The following DNAJC13 variants were observed in gnomAD, a reference collection of about 807,000 sequenced individuals.
DNAJC13 encodes dnaJ homolog subfamily C member 13.
In DNAJC13, 75 loss-of-function variants were observed where a neutral mutation model predicts 290.5. That is an observed-to-expected ratio of 0.26 (90% CI 0.21 to 0.31). DNAJC13 has a LOEUF of 0.31. Among genes scored for constraint, DNAJC13 ranks in the 10% least tolerant of loss-of-function variants. The pLI is 1.00. For missense variants in DNAJC13, 2,260 were observed against 2,674.5 expected (o/e 0.85, Z 3.42); for synonymous variants, 862 against 892.0 (o/e 0.97, Z 0.60).
chr3:132,455,057 C>T (rs1347429087), intron 9 of DNAJC13, among the ~76,000 whole-genome samples: 1 of 152,074 alleles, frequency 6.6e-6, no homozygotes, highest in Non-Finnish European at 1.5e-5. Context: ...AAATTTAGAA[C>T]TTTGACACCA....
intron 2 of DNAJC13, among the ~76,000 whole-genome samples, chr3:132,439,438 TG>T (rs1275546909): frequency 6.6e-6 from 1 of 150,492 alleles, no homozygotes; most frequent in Non-Finnish European, 1.5e-5. Flanking sequence ...GGGTTTTTTT[TG>T]TTTTTTTTTT....
At chr3:132,423,088 C>T (rs146515191) in intron 1 of DNAJC13, among the ~76,000 whole-genome samples, 3 of 152,034 alleles carry the variant, frequency 2.0e-5, no homozygotes, top group South Asian at 4.1e-4. Flanking sequence ...GAGGATCACT[C>T]GAGGCCAGGA....
chr3:132,538,055 T>C, intron 55 of DNAJC13, 121 bp from the exon 56 acceptor site: 1 of 679,690 alleles, frequency 1.5e-6, no homozygotes, highest in East Asian at 2.7e-5. Flanking sequence ...ATTTAGGTAA[T>C]TGAAATAGAT....
At chr3:132,464,085 G>A (rs889232365) in intron 17 of DNAJC13, among the ~76,000 whole-genome samples, 1 of 152,048 alleles carries the variant, frequency 6.6e-6, no homozygotes, top group Non-Finnish European at 1.5e-5. Context: ...TATGGAAAAG[G>A]GTACTTAAAA....
intron 17 of DNAJC13, among the ~76,000 whole-genome samples, chr3:132,465,465 T>C (rs1933947851): frequency 6.6e-6 from 1 of 152,176 alleles, no homozygotes; most frequent in Admixed American, 6.5e-5. Flanking sequence ...AAATATACTT[T>C]TATAGCTTTT....
chr3:132,433,543 TG>T (rs1388796688), intron 1 of DNAJC13, among the ~76,000 whole-genome samples: 6 of 152,200 alleles, frequency 3.9e-5, no homozygotes, highest in African/African-American at 1.4e-4. Context: ...TCAGAATGGC[TG>T]GGGTTATAGG....
rs578056203 is a variant in DNAJC13 at position 132,518,882 on chromosome 3, G to C, written c.5673+2066G>C. Among the ~76,000 whole-genome samples, 11 of 152,202 alleles carry C rather than the reference G, an allele frequency of 7.2e-5. No individual in the cohort carries two copies. In the East Asian group the frequency reaches 1.9e-3, roughly 27 times the overall value. ...TTTCCCCTAGCACCTGACAACCACT[G>C]ATCTATTTCCTTCTGGATAGATTTG... On this transcript the variant is annotated intron_variant, in intron 48 of 55. Transcript: ENST00000260818.
At chr3:132,431,076 T>G (rs2107646261) in intron 1 of DNAJC13, among the ~76,000 whole-genome samples, 1 of 152,348 alleles carries the variant, frequency 6.6e-6, no homozygotes, top group Non-Finnish European at 1.5e-5. Context: ...TTCCAGAAGG[T>G]TTGACAAAAC....
intron 55 of DNAJC13, among the ~76,000 whole-genome samples, chr3:132,536,796 G>C (rs1936604246): frequency 6.6e-6 from 1 of 152,124 alleles, no homozygotes; most frequent in African/African-American, 2.4e-5. Flanking sequence ...GAAAGGCCTG[G>C]CATCCTGATT....
chr3:132,457,173 G>T (rs1392406586), intron 12 of DNAJC13, 96 bp from the exon 13 acceptor site: 4 of 819,308 alleles, frequency 4.9e-6, no homozygotes, highest in Non-Finnish European at 7.5e-6. Context: ...CATTGTTCCA[G>T]TAGTGCAATG....
chr3:132,512,506 G>A (rs1038639888), intron 44 of DNAJC13, among the ~76,000 whole-genome samples: 2 of 152,160 alleles, frequency 1.3e-5, no homozygotes, highest in African/African-American at 4.8e-5. Context: ...TTTGAGGTGG[G>A]TAGGAATGGA....
chr3:132,483,095 C>T (rs897036414), intron 27 of DNAJC13, among the ~76,000 whole-genome samples: 7 of 152,108 alleles, frequency 4.6e-5, no homozygotes, highest in African/African-American at 1.4e-4. Context: ...AACCATTCTG[C>T]TCTAGTATAA....
chr3:132,490,628 A>G (rs956576080), intron 31 of DNAJC13, among the ~76,000 whole-genome samples: 2 of 152,168 alleles, frequency 1.3e-5, no homozygotes, highest in African/African-American at 4.8e-5. Flanking sequence ...GTCCTAAATA[A>G]TATTGGCAGC....
chr3:132,534,645 CA>C (rs72372476), intron 55 of DNAJC13, among the ~76,000 whole-genome samples: 6 of 151,668 alleles, frequency 4.0e-5, no homozygotes, highest in Admixed American at 1.3e-4. Context: ...GACCTTGTCT[CA>C]AAAAAAATTA....
At chr3:132,418,289 G>C (rs549801598) in intron 1 of DNAJC13, among the ~76,000 whole-genome samples, 1 of 152,270 alleles carries the variant, frequency 6.6e-6, no homozygotes, top group East Asian at 1.9e-4. Flanking sequence ...CTCCCCTAAG[G>C]CTTTTCCTTC....
chr3:132,457,719 T>C (rs1559877216), intron 13 of DNAJC13: 1 of 165,674 alleles, frequency 6.0e-6, no homozygotes, highest in Non-Finnish European at 1.3e-5. Flanking sequence ...CACCCAGTCT[T>C]TCTGGAAGAT....
chr3:132,489,647 A>G (rs72992369), intron 31 of DNAJC13, among the ~76,000 whole-genome samples: 2,855 of 152,210 alleles, frequency 0.019, 101 homozygotes, highest in African/African-American at 0.065. Context: ...ATCAAGCAGA[A>G]TAAGAAACCA....
chr3:132,512,636 CAG>C lies in DNAJC13; in HGVS notation c.5294-369_5294-368del, dbSNP rs368022416. On this transcript the variant is annotated intron_variant, in intron 44 of 55. Transcript: ENST00000260818. ...GTCTTATTTAAAAGCCAAATCATGT[CAG>C]AGTCTCCCAGAATATAATTAGGTTG... is the stretch of plus-strand genomic sequence containing the variant. Among the ~76,000 whole-genome samples, 358 of 152,260 alleles carry C rather than the reference CAG, an allele frequency of 2.4e-3. 2 individuals are homozygous for C. Among genetic ancestry groups the C allele is most frequent in the South Asian group, 8.3e-3 (40 of 4,828 alleles).
rs373600898 is a variant in DNAJC13, at chr3:132,489,048, T to C, written c.3468+27T>C. The C allele has an allele frequency of 5.0e-6, 8 of 1,598,232 alleles. No individual in the cohort carries two copies. In the East Asian group the frequency reaches 1.6e-4, roughly 31 times the overall value. ...TAAGCCAGGTTAATCCTCTGAATACTTAACCCTGGGTAAGCTGTTTTGGCA... is the reference window on the plus strand; with the variant it reads ...TAAGCCAGGTTAATCCTCTGAATACCTAACCCTGGGTAAGCTGTTTTGGCA... On this transcript the variant is annotated intron_variant, in intron 31 of 55. Transcript: ENST00000260818.
Sources: allele counts gnomAD v4.1 joint callset (sites outside exome capture counted in the v4.1 genomes callset), GRCh38; gene constraint gnomAD v4.1.1; transcripts MANE v1.5; gene names NCBI Gene and HGNC (gene_info 2026-07-23, HGNC 2026-07-21).